Variants in NEUROD1 observed in about 807,000 individuals in gnomAD.
The protein encoded by NEUROD1 is neuronal differentiation 1.
NEUROD1 carries 9 observed loss-of-function variants against 21.8 expected under a neutral mutation model. That is an observed-to-expected ratio of 0.41 (90% CI 0.25 to 0.72). The LOEUF (loss-of-function observed/expected upper bound fraction) is 0.72. NEUROD1 is among the 30% of genes least tolerant of loss of function. The probability of loss-of-function intolerance (pLI) is 0.31; values close to 1 mark genes in which losing one functional copy is unlikely to be tolerated. For missense variants in NEUROD1, 434 were observed against 468.8 expected, an observed-to-expected ratio of 0.93 and a Z score of 0.69; for synonymous variants, 199 against 186.2, an observed-to-expected ratio of 1.07 and a Z score of -0.56.
rs1688602945 is a variant in NEUROD1 at position 181,677,568 on chromosome 2, T to G, written c.*222A>C. On this transcript the variant is annotated 3_prime_UTR_variant, in exon 2 of 2. Coordinates refer to ENST00000295108, the MANE Select transcript of NEUROD1 (RefSeq NM_002500.5). The stretch of plus-strand genomic sequence containing the variant: ...TTAAACTTTACTGTATTTTTTTATT[T>G]TTTAAATAGAAGAGCTATAGAAAAT... 1 of 722,478 alleles carries G rather than the reference T, an allele frequency of 1.4e-6. No homozygotes were observed. The highest frequency in any genetic ancestry group is 3.0e-5 in the Admixed American group (1 of 33,396). The allele number at this position is 722,478 out of a possible 1,614,324, so 44.8% of individuals were successfully genotyped here. A position where few individuals can be genotyped will look rare whatever the true frequency, so the allele number is the denominator to read the frequency against.
In NEUROD1 at chr2:181,678,327, T is replaced by C. The variant is rs746744658; in HGVS notation, c.534A>G (p.Gln178=). ...FVQTLCKGLS[Q]PTTNLVAGCL... is the part of the protein sequence containing the mutation. ...AGCCCGCAACCAGGTTGGTGGTGGG[T>C]TGGGATAAGCCCTTGCAAAGCGTCT... is the stretch of plus-strand genomic sequence containing the variant. Residue 178 remains glutamine (Q), a synonymous_variant, in exon 2 of 2, where the codon CAA becomes CAG. Transcript: ENST00000295108. The surrounding 1 kb of genome is among the most constrained non-coding windows in gnomAD (Gnocchi z 5.5). 2 of 1,613,870 alleles carry C rather than the reference T, an allele frequency of 1.2e-6. No homozygotes were observed. Among genetic ancestry groups the C allele is most frequent in the African/African-American group, 2.7e-5 (2 of 74,880 alleles).
downstream of NEUROD1, among the ~76,000 whole-genome samples, chr2:181,671,779 T>C (rs1195369473): frequency 6.6e-6 from 1 of 152,148 alleles, no homozygotes; most frequent in African/African-American, 2.4e-5. Flanking sequence ...TCTGCTTTGA[T>C]GTTAACATTA....
exon 2 of NEUROD1, among the ~76,000 whole-genome samples, chr2:181,670,900 T>A (rs1688488297): frequency 6.6e-6 from 1 of 152,132 alleles, no homozygotes; most frequent in Non-Finnish European, 1.5e-5. Context: ...ATCTTATATC[T>A]TAATTAAATC....
At position 181,676,700 on chromosome 2, in the gene NEUROD1, G is replaced by T. The variant is rs1478923327; in HGVS notation, c.*1090C>A. 2 of 152,538 alleles carry T rather than the reference G, an allele frequency of 1.3e-5. No individual in the cohort carries two copies. Among genetic ancestry groups the T allele is most frequent in the African/African-American group, 4.8e-5 (2 of 41,418 alleles). 9.4% of individuals were successfully genotyped at this position (152,538 alleles called of 1,614,324 possible). ...GCTACTGTACTAATTGACTACTATAGATATAAATCCCAACATTAACAACCT... is the reference window on the plus strand; with the variant it reads ...GCTACTGTACTAATTGACTACTATATATATAAATCCCAACATTAACAACCT... On this transcript the variant is annotated 3_prime_UTR_variant, in exon 2 of 2. Coordinates refer to ENST00000295108, the MANE Select transcript of NEUROD1 (RefSeq NM_002500.5).
chr2:181,671,975 A>G (rs963060425), downstream of NEUROD1, among the ~76,000 whole-genome samples: 1 of 152,218 alleles, frequency 6.6e-6, no homozygotes, highest in Non-Finnish European at 1.5e-5. Flanking sequence ...TGCTAAGTTT[A>G]TACACTGAAC....
Position 181,678,171 on chromosome 2 carries a change from A to C in NEUROD1, c.690T>G (p.Pro230=). Residue 230 remains proline (P), a synonymous_variant, in exon 2 of 2, where the codon CCT becomes CCG. Coordinates refer to ENST00000295108, the MANE Select transcript of NEUROD1 (RefSeq NM_002500.5). The surrounding 1 kb of genome is among the most constrained non-coding windows in gnomAD (Gnocchi z 5.5). ...SYQSPGLPSP[P]YGTMDSSHVF... ...CATGGGAGCTGTCCATGGTACCGTA[A>C]GGCGGACTGGGCAGCCCAGGCGACT... The C allele has an allele frequency of 6.2e-7, 1 of 1,614,162 alleles. No homozygotes were observed. Among genetic ancestry groups the C allele is most frequent in the Non-Finnish European group, 8.5e-7 (1 of 1,180,024 alleles).
chr2:181,679,990 T>C (rs892183924), intron 1 of NEUROD1, among the ~76,000 whole-genome samples: 6 of 152,136 alleles, frequency 3.9e-5, no homozygotes, highest in Admixed American at 3.3e-4. Context: ...GGTATCCATG[T>C]CCCTTTCATT....
downstream of NEUROD1, among the ~76,000 whole-genome samples, chr2:181,669,122 C>A (rs571960762): frequency 6.6e-6 from 1 of 152,094 alleles, no homozygotes; most frequent in Non-Finnish European, 1.5e-5. Flanking sequence ...TCCTCAATTT[C>A]GTCTTCACTA....
At chr2:181,671,031 A>ATG (rs764214487) in exon 2 of NEUROD1, among the ~76,000 whole-genome samples, 2,108 of 144,896 alleles carry the variant, frequency 0.015, 59 homozygotes, top group African/African-American at 0.047. Context: ...GTGTGCACAC[A>ATG]CACACACACA....
chr2:181,678,932 C>G lies in NEUROD1; in HGVS notation c.-11-61G>C. 1 of 1,591,978 alleles carries G rather than the reference C, an allele frequency of 6.3e-7. No homozygotes were observed. Reference sequence around the variant, plus strand: ...AGCAGAAAAACGCTATATTCAAAAGCCAGATACGCCTTCAGCTTCCACTCC... The same window carrying G: ...AGCAGAAAAACGCTATATTCAAAAGGCAGATACGCCTTCAGCTTCCACTCC... On this transcript the variant is annotated intron_variant, in intron 1 of 1. Coordinates refer to ENST00000295108, the MANE Select transcript of NEUROD1 (RefSeq NM_002500.5). This position sits in a 1 kb window ranked among gnomAD's most constrained non-coding sequence, Gnocchi z 5.5.
At position 181,680,483 on chromosome 2, in the gene NEUROD1, G is replaced by A. The variant is rs8192555; in HGVS notation, c.-65C>T. On this transcript the variant is annotated 5_prime_UTR_variant, in exon 1 of 2. Coordinates refer to ENST00000295108, the MANE Select transcript of NEUROD1 (RefSeq NM_002500.5). The stretch of plus-strand genomic sequence containing the variant: ...ATAGTCTCATAACCCTGGGGCCTCC[G>A]GACGCCGCGCCTCCTGCGTGGGCGA... 1,091 of 152,466 alleles carry A rather than the reference G, an allele frequency of 7.2e-3. 4 individuals are homozygous for A. The highest frequency in any genetic ancestry group is 0.01 in the Non-Finnish European group (693 of 68,114). The allele number at this position is 152,466 out of a possible 1,614,324, so 9.4% of individuals were successfully genotyped here.
At chr2:181,673,538 T>C (rs1314130771), downstream of NEUROD1, 1 of 152,240 alleles carries the variant, frequency 6.6e-6, no homozygotes, top group African/African-American at 2.4e-5. Flanking sequence ...CTTTTATTCT[T>C]CATCAGACCC....
downstream of NEUROD1, among the ~76,000 whole-genome samples, chr2:181,672,137 T>C (rs925706567): frequency 6.6e-6 from 1 of 152,218 alleles, no homozygotes; most frequent in Non-Finnish European, 1.5e-5. Context: ...TTTTCTTTTA[T>C]TCCAATTCCA....
At chr2:181,672,180 G>T (rs144152242), downstream of NEUROD1, among the ~76,000 whole-genome samples, 73 of 152,204 alleles carry the variant, frequency 4.8e-4, no homozygotes, top group African/African-American at 1.7e-3. Flanking sequence ...TCAATAAAAA[G>T]AAACAATGAC....
downstream of NEUROD1, among the ~76,000 whole-genome samples, chr2:181,669,545 A>G (rs779534025): frequency 6.6e-6 from 1 of 152,216 alleles, no homozygotes; most frequent in Non-Finnish European, 1.5e-5. Flanking sequence ...CTCTATTCCA[A>G]TAAAGTCTTC....
At chr2:181,669,563 A>C (rs560801624), downstream of NEUROD1, among the ~76,000 whole-genome samples, 26 of 152,358 alleles carry the variant, frequency 1.7e-4, no homozygotes, top group African/African-American at 2.6e-4. Context: ...TTCTTGCATA[A>C]CATTTTGTCT....
At chr2:181,669,558 G>A (rs1203129072), downstream of NEUROD1, among the ~76,000 whole-genome samples, 3 of 152,144 alleles carry the variant, frequency 2.0e-5, 1 homozygote, top group South Asian at 4.1e-4. Flanking sequence ...AAGTCTTCTT[G>A]CATAACATTT....
chr2:181,678,923 A>T lies in NEUROD1; in HGVS notation c.-11-52T>A. 1 of 1,604,830 alleles carries T rather than the reference A, an allele frequency of 6.2e-7. No homozygotes were observed. Among genetic ancestry groups the T allele is most frequent in the South Asian group, 1.1e-5 (1 of 90,332 alleles). ...AGAAAGAAAAGCAGAAAAACGCTAT[A>T]TTCAAAAGCCAGATACGCCTTCAGC... On this transcript the variant is annotated intron_variant, in intron 1 of 1. Transcript: ENST00000295108. The surrounding 1 kb of genome is among the most constrained non-coding windows in gnomAD (Gnocchi z 5.5).
chr2:181,669,198 T>A (rs966473845), downstream of NEUROD1, among the ~76,000 whole-genome samples: 1 of 151,160 alleles, frequency 6.6e-6, no homozygotes, highest in African/African-American at 2.5e-5. Context: ...AAAGCCTCTC[T>A]TGTATCAGGC....
Sources: allele counts gnomAD v4.1 joint callset (sites outside exome capture counted in the v4.1 genomes callset), GRCh38; gene constraint gnomAD v4.1.1; non-coding constraint Gnocchi (gnomAD v3.1); transcripts MANE v1.5; gene names NCBI Gene and HGNC (gene_info 2026-07-23, HGNC 2026-07-21).